Variants in RNF185 observed in about 807,000 individuals in gnomAD.
RNF185 encodes the protein ring finger protein 185, also known as E3 ubiquitin-protein ligase RNF185.
In RNF185, 13 loss-of-function variants were observed where a neutral mutation model predicts 24.9. The ratio of observed to expected loss-of-function variants is 0.52; its 90% CI spans 0.34 to 0.83. RNF185 has a LOEUF of 0.83. Ranked by LOEUF, RNF185 falls within the 40% of genes least tolerant of loss-of-function variation. The probability of loss-of-function intolerance (pLI) is 0.01; values close to 1 mark genes in which losing one functional copy is unlikely to be tolerated. For missense variants in RNF185, 184 were observed against 244.7 expected (o/e 0.75, Z 1.65); for synonymous variants, 79 against 90.3 (o/e 0.88, Z 0.71).
At position 31,196,991 on chromosome 22, in the gene RNF185, G is replaced by A. The variant is rs1032285414; in HGVS notation, c.363+1G>A. 4 of 1,613,720 alleles carry A rather than the reference G, an allele frequency of 2.5e-6. No individual in the cohort carries two copies. Among genetic ancestry groups the A allele is most frequent in the Non-Finnish European group, 3.4e-6 (4 of 1,179,696 alleles). On this transcript the variant is annotated splice_donor_variant, in intron 5 of 6. Coordinates refer to ENST00000326132, the MANE Select transcript of RNF185 (RefSeq NM_152267.4). LOFTEE classifies it high-confidence loss of function. Reference sequence around the variant, plus strand: ...GAGGCCAGAGCCGGAGAATAGAGGGGTGAGGAACATTCTAGGAGAAGCTTC... The same window carrying A: ...GAGGCCAGAGCCGGAGAATAGAGGGATGAGGAACATTCTAGGAGAAGCTTC...
chr22:31,162,240 C>T (rs1324197490), intron 1 of RNF185, among the ~76,000 whole-genome samples: 1 of 152,102 alleles, frequency 6.6e-6, no homozygotes, highest in African/African-American at 2.4e-5. Context: ...TGCCAGTTAT[C>T]GACTTGTGTT....
intron 1 of RNF185, among the ~76,000 whole-genome samples, chr22:31,174,939 G>T (rs141524829): frequency 6.6e-6 from 1 of 151,950 alleles, no homozygotes; most frequent in African/African-American, 2.4e-5. Flanking sequence ...TGGGTGTGGT[G>T]GCGGGTGCCT....
chr22:31,177,105 A>C (rs537951432), intron 1 of RNF185, among the ~76,000 whole-genome samples: 38 of 151,998 alleles, frequency 2.5e-4, no homozygotes, highest in Non-Finnish European at 4.4e-4. Context: ...TGAATTATGC[A>C]CTTGTTCCTT....
intron 2 of RNF185, 54 bp from the exon 3 acceptor site, chr22:31,192,630 C>G: frequency 1.3e-6 from 2 of 1,557,644 alleles, no homozygotes; most frequent in South Asian, 1.1e-5. Context: ...ATTTTTCTTC[C>G]TTTCCCCTTT....
At chr22:31,193,204 T>C (rs2048172420) in intron 3 of RNF185, among the ~76,000 whole-genome samples, 1 of 152,134 alleles carries the variant, frequency 6.6e-6, no homozygotes, top group South Asian at 2.1e-4. Flanking sequence ...GCTGAAAGTC[T>C]CCCTGGTCGT....
At chr22:31,202,788 TA>T (rs1446801328) in intron 6 of RNF185, among the ~76,000 whole-genome samples, 2 of 151,936 alleles carry the variant, frequency 1.3e-5, no homozygotes, top group African/African-American at 2.4e-5. Context: ...AATTTTTTTG[TA>T]TTTTTTTGTA....
chr22:31,195,427 G>C (rs1174148321), intron 3 of RNF185, 42 bp from the exon 4 acceptor site: 2 of 1,380,980 alleles, frequency 1.4e-6, no homozygotes, highest in Non-Finnish European at 2.0e-6. Flanking sequence ...CACTCTGGTG[G>C]GTCTTGGGCC....
intron 3 of RNF185, among the ~76,000 whole-genome samples, chr22:31,194,843 T>A (rs182468383): frequency 1.3e-5 from 2 of 152,184 alleles, no homozygotes; most frequent in Admixed American, 6.5e-5. Flanking sequence ...GCAGCCTAAA[T>A]TGAGGCTGGG....
chr22:31,184,145 T>G (rs1474356843), intron 1 of RNF185, among the ~76,000 whole-genome samples: 2 of 148,934 alleles, frequency 1.3e-5, no homozygotes, highest in Admixed American at 6.6e-5. Context: ...GCAGAGACGC[T>G]CCTCACTTCC....
intron 1 of RNF185, among the ~76,000 whole-genome samples, chr22:31,164,914 A>T (rs1437946111): frequency 6.8e-5 from 10 of 146,020 alleles, no homozygotes; most frequent in African/African-American, 2.5e-4. Context: ...TTTTTTTTTT[A>T]ATTGTTTGTT....
intron 1 of RNF185, among the ~76,000 whole-genome samples, chr22:31,177,662 G>T (rs1434764359): frequency 6.6e-6 from 1 of 152,164 alleles, no homozygotes; most frequent in African/African-American, 2.4e-5. Context: ...CAGGGTTCCT[G>T]GCAGAAAGCT....
intron 1 of RNF185, among the ~76,000 whole-genome samples, chr22:31,163,769 G>C (rs1414018324): frequency 6.6e-6 from 1 of 151,540 alleles, no homozygotes; most frequent in Non-Finnish European, 1.5e-5. Flanking sequence ...CACCTCCCGG[G>C]CTCAAGCAAT....
intron 1 of RNF185, among the ~76,000 whole-genome samples, chr22:31,161,334 A>G (rs1602775546): frequency 1.3e-5 from 2 of 152,312 alleles, no homozygotes; most frequent in East Asian, 1.9e-4. Flanking sequence ...GTTGTTCTGC[A>G]TCTTTCTGGT....
intron 1 of RNF185, among the ~76,000 whole-genome samples, chr22:31,186,269 A>T (rs1468647280): frequency 1.3e-5 from 2 of 152,126 alleles, no homozygotes; most frequent in African/African-American, 4.8e-5. Flanking sequence ...GGTCCTTATT[A>T]GCTTCCTATC....
In RNF185 at chr22:31,187,058, G is replaced by A. The variant is rs767347138; in HGVS notation, c.-37G>A. On this transcript the variant is annotated 5_prime_UTR_variant, in exon 2 of 7. Coordinates refer to ENST00000326132, the MANE Select transcript of RNF185 (RefSeq NM_152267.4). The stretch of plus-strand genomic sequence containing the variant: ...TCTCTGCCTTTTAGGATTTCCCTGG[G>A]GAAAGTCTTCACTCAGAGCTTCGCT... 42 of 1,578,334 alleles carry A rather than the reference G, an allele frequency of 2.7e-5. No individual in the cohort carries two copies. The East Asian group carries it at 9.3e-4, about 35-fold the overall frequency.
rs1256637538 is a variant in RNF185 at position 31,192,671 on chromosome 22, G to A, written c.177-13G>A. ...TTCTCCTTGATGACTGGTTGCCCTG[G>A]GGACTCTGGCAGTTGGCCGTGTTTA... On this transcript the variant is annotated splice_polypyrimidine_tract_variant and intron_variant, in intron 2 of 6. Coordinates refer to ENST00000326132, the MANE Select transcript of RNF185 (RefSeq NM_152267.4). 1.9e-6 allele frequency: 3 copies of A among 1,613,388 alleles called. No individual in the cohort carries two copies. In the Admixed American group the frequency reaches 5.0e-5, roughly 27 times the overall value.
At chr22:31,163,333 A>C (rs1432155577) in intron 1 of RNF185, among the ~76,000 whole-genome samples, 5 of 144,718 alleles carry the variant, frequency 3.5e-5, no homozygotes, top group African/African-American at 1.3e-4. Context: ...CATCGTGTAC[A>C]TTTTTTTTTT....
rs1245162177 is a variant in RNF185 at position 31,172,458 on chromosome 22, TAAC to T, written c.-49+12161_-49+12163del. 4.2e-5 allele frequency among the ~76,000 whole-genome samples: 6 copies of T among 143,362 alleles called. 1 individual carries two copies. Among genetic ancestry groups the T allele is most frequent in the African/African-American group, 1.6e-4 (6 of 38,240 alleles). 94.1% of individuals were successfully genotyped at this position (143,362 alleles called of 152,430 possible). ...GGCACTGTTTCATACTTATTTAAAATAACAACAAGGCTGGGCGCGGTGGCTCAT... is the reference window on the plus strand; with the variant it reads ...GGCACTGTTTCATACTTATTTAAAATAACAAGGCTGGGCGCGGTGGCTCAT... On this transcript the variant is annotated intron_variant, in intron 1 of 6. Transcript: ENST00000326132.
intron 6 of RNF185, among the ~76,000 whole-genome samples, 191 bp from the exon 7 acceptor site, chr22:31,204,298 G>C (rs1446247612): frequency 6.6e-6 from 1 of 151,532 alleles, no homozygotes; most frequent in African/African-American, 2.4e-5. Flanking sequence ...AGCTGAGATC[G>C]TGCCACTGCA....
Sources: allele counts gnomAD v4.1 joint callset (sites outside exome capture counted in the v4.1 genomes callset), GRCh38; gene constraint gnomAD v4.1.1; transcripts MANE v1.5; gene names NCBI Gene and HGNC (gene_info 2026-07-23, HGNC 2026-07-21).